Variants in CNGB1 observed in about 807,000 individuals in gnomAD.
CNGB1 encodes the protein cyclic nucleotide-gated channel beta-1.
Under a neutral mutation model 151.7 loss-of-function variants are expected in CNGB1, and 126 were observed. That is an observed-to-expected ratio of 0.83 (90% CI 0.72 to 0.96). CNGB1 has a LOEUF of 0.96. Among genes scored for constraint, CNGB1 ranks in the 40% least tolerant of loss-of-function variants. CNGB1 has a pLI of 0.00. For synonymous variants in CNGB1, 623 were observed against 635.1 expected (o/e 0.98, Z 0.29); for missense variants, 1,698 against 1,627.0 (o/e 1.04, Z -0.75).
chr16:57,900,423 G>T (rs907315019), intron 29 of CNGB1, among the ~76,000 whole-genome samples: 5 of 152,306 alleles, frequency 3.3e-5, no homozygotes, highest in Non-Finnish European at 4.4e-5. Context: ...CCCCCCGTAT[G>T]CTTATTAACG....
Position 57,959,976 on chromosome 16 carries a change from C to T in CNGB1, c.673G>A (p.Glu225Lys). ...LPTPIPLQPK[E>K]EPKEAPAPEP... is the part of the protein sequence containing the mutation. ...GGAGCTGGTGCCTCCTTGGGTTCCT[C>T]CTTGGGCTGCAGGGGGATGGGTGTG... is the stretch of plus-strand genomic sequence containing the variant. Residue 225 changes from glutamate (E) to lysine (K), a missense_variant, in exon 10 of 33, where the codon GAG (glutamate) becomes AAG (lysine). Coordinates refer to ENST00000251102, the MANE Select transcript of CNGB1 (RefSeq NM_001297.5). 3 of 1,592,820 alleles carry T rather than the reference C, an allele frequency of 1.9e-6. No individual in the cohort carries two copies. The highest frequency in any genetic ancestry group is 4.5e-5 in the East Asian group (2 of 44,288).
chr16:57,962,751 G>A, intron 6 of CNGB1, 91 bp downstream of exon 6: 2 of 1,588,308 alleles, frequency 1.3e-6, no homozygotes, highest in Non-Finnish European at 1.7e-6. Context: ...ATCCAGCCTG[G>A]GCAGAGGCTC....
intron 17 of CNGB1, among the ~76,000 whole-genome samples, chr16:57,925,625 A>G (rs1052876145): frequency 6.6e-6 from 1 of 152,134 alleles, no homozygotes; most frequent in Non-Finnish European, 1.5e-5. Flanking sequence ...TGTGAAAGTA[A>G]AATGGTGGAG....
intron 31 of CNGB1, among the ~76,000 whole-genome samples, chr16:57,888,360 T>C (rs1003146692): frequency 1.3e-5 from 2 of 152,190 alleles, no homozygotes; most frequent in Non-Finnish European, 2.9e-5. Flanking sequence ...GTCACACAGC[T>C]ACGAAATTCT....
In CNGB1 at chr16:57,888,067, G is replaced by A. The variant is rs1441088881; in HGVS notation, c.3250C>T (p.Leu1084=). The A allele has an allele frequency of 1.2e-6, 2 of 1,613,780 alleles. No individual in the cohort carries two copies. The highest frequency in any genetic ancestry group is 3.3e-5 in the Admixed American group (2 of 60,022). The change falls in exon 32 of 33, where the codon CTG becomes TTG. Residue 1084 remains leucine, a synonymous_variant. Coordinates refer to ENST00000251102, the MANE Select transcript of CNGB1 (RefSeq NM_001297.5). Reference sequence around the variant, plus strand: ...TCCTTGGGCTTATTGTTGCTTCTCAGCATGCGCCTGGAAGAAAGCAGCATC... The same window carrying A: ...TCCTTGGGCTTATTGTTGCTTCTCAACATGCGCCTGGAAGAAAGCAGCATC... The part of the protein sequence containing the change: ...KLLRKKARRM[L]RSNNKPKEEK...
At chr16:57,910,877 C>T (rs1192924404) in intron 25 of CNGB1, among the ~76,000 whole-genome samples, 4 of 152,134 alleles carry the variant, frequency 2.6e-5, no homozygotes, top group Non-Finnish European at 5.9e-5. Context: ...TCATCAGGAA[C>T]CCCTGAGGCT....
intron 4 of CNGB1, 120 bp downstream of exon 4, chr16:57,964,010 C>T (rs1962325381): frequency 1.1e-6 from 1 of 906,960 alleles, no homozygotes; most frequent in Non-Finnish European, 1.7e-6. Context: ...AGGGCTTTCC[C>T]CAGAATGACA....
chr16:57,950,420 G>A lies in CNGB1; in HGVS notation c.995C>T (p.Ala332Val), dbSNP rs1452435878. Residue 332 changes from alanine to valine, a missense_variant, in exon 13 of 33, where the codon GCT (alanine) becomes GTT (valine). Transcript: ENST00000251102. The part of the protein sequence containing the change: ...TSPQGTEVVP[A>V]YEEENKAVEK... The stretch of plus-strand genomic sequence containing the variant: ...CACAGCTTTGTTCTCTTCTTCATAA[G>A]CTGGAACCACCTCTGTACCCTGTGG... 1 of 1,614,242 alleles carries A rather than the reference G, an allele frequency of 6.2e-7. No individual in the cohort carries two copies. The highest frequency in any genetic ancestry group is 1.1e-5 in the South Asian group (1 of 91,084).
chr16:57,922,799 T>C lies in CNGB1; in HGVS notation c.1643+474A>G, dbSNP rs1446107290. Reference sequence around the variant, plus strand: ...CACATCCCCTGGGGAGTTTGGAAAATGTGAACTCCCCAGGCCTACTGTCTG... The same window carrying C: ...CACATCCCCTGGGGAGTTTGGAAAACGTGAACTCCCCAGGCCTACTGTCTG... On this transcript the variant is annotated intron_variant, in intron 18 of 32. Coordinates refer to ENST00000251102, the MANE Select transcript of CNGB1 (RefSeq NM_001297.5). Among the ~76,000 whole-genome samples the C allele has an allele frequency of 4.0e-5, 6 of 151,880 alleles. No homozygotes were observed. In the East Asian group the frequency reaches 1.2e-3, roughly 29 times the overall value.
chr16:57,886,258 A>G (rs992973255), intron 32 of CNGB1, among the ~76,000 whole-genome samples: 7 of 152,098 alleles, frequency 4.6e-5, no homozygotes, highest in African/African-American at 1.7e-4. Context: ...GTGCCTTTTA[A>G]TGGAACACTC....
At chr16:57,885,729 G>T (rs1959913664) in intron 32 of CNGB1, among the ~76,000 whole-genome samples, 1 of 152,016 alleles carries the variant, frequency 6.6e-6, no homozygotes, top group Non-Finnish European at 1.5e-5. Context: ...GAGTAGCTGG[G>T]ATTACAGGTG....
intron 25 of CNGB1, among the ~76,000 whole-genome samples, chr16:57,910,967 G>A (rs927221405): frequency 2.0e-5 from 3 of 151,940 alleles, no homozygotes; most frequent in South Asian, 2.1e-4. Flanking sequence ...TTTTTGGTTC[G>A]CACGTCATCA....
rs41482547 is a variant in CNGB1, at chr16:57,967,164, C to T, written c.123G>A (p.Pro41=). 1,405 of 1,614,192 alleles carry T rather than the reference C, an allele frequency of 8.7e-4. 21 individuals carry two copies. In the African/African-American group the frequency reaches 0.017, roughly 19 times the overall value. The change falls in exon 2 of 33, where the codon CCG becomes CCA. Residue 41 remains proline, a synonymous_variant. Coordinates refer to ENST00000251102, the MANE Select transcript of CNGB1 (RefSeq NM_001297.5). The part of the protein sequence containing the change: ...PEMEAEVEPE[P]NPEEAETESE... Reference sequence around the variant, plus strand: ...ACTCTGTCTCGGCCTCCTCAGGATTCGGTTCTGGTTCCACCTCCGCCTCCA... The same window carrying T: ...ACTCTGTCTCGGCCTCCTCAGGATTTGGTTCTGGTTCCACCTCCGCCTCCA...
intron 17 of CNGB1, among the ~76,000 whole-genome samples, chr16:57,931,238 C>T (rs1961338132): frequency 6.6e-6 from 1 of 151,864 alleles, no homozygotes; most frequent in African/African-American, 2.4e-5. Context: ...AGTTCACTGC[C>T]ACATCCCAGG....
intron 31 of CNGB1, among the ~76,000 whole-genome samples, chr16:57,896,272 A>G (rs1308142651): frequency 6.6e-6 from 1 of 152,180 alleles, no homozygotes; most frequent in East Asian, 1.9e-4. Flanking sequence ...AATCATCGAT[A>G]TTGGGAGTAA....
At chr16:57,901,721 C>T (rs2149357547) in intron 27 of CNGB1, 96 bp from the exon 28 acceptor site, 1 of 934,446 alleles carries the variant, frequency 1.1e-6, no homozygotes, top group East Asian at 2.6e-5. Context: ...CACCAGGGCA[C>T]ACCATTGCCC....
At chr16:57,922,519 C>G (rs902255512) in intron 18 of CNGB1, among the ~76,000 whole-genome samples, 26 of 151,296 alleles carry the variant, frequency 1.7e-4, no homozygotes, top group African/African-American at 6.3e-4. Flanking sequence ...ACCTCTACCT[C>G]CCAGGTTCAA....
Position 57,939,560 on chromosome 16 carries a change from C to T in CNGB1, c.1242G>A (p.Lys414=), listed in dbSNP as rs1418903991. 1 of 1,614,070 alleles carries T rather than the reference C, an allele frequency of 6.2e-7. No individual in the cohort carries two copies. The highest frequency in any genetic ancestry group is 8.5e-7 in the Non-Finnish European group (1 of 1,180,034). The change falls in exon 16 of 33, where the codon AAG becomes AAA. Residue 414 remains lysine, a synonymous_variant. Transcript: ENST00000251102. ...CCTTGGCCTTCTCTTCAGCCTCCTT[C>T]TTGGCCTCCTCCCCAACTTCCTCCC... is the stretch of plus-strand genomic sequence containing the variant. ...KLWEEVGEEA[K]KEAEEKAKEE...
At chr16:57,892,443 G>C (rs1960118055) in intron 31 of CNGB1, among the ~76,000 whole-genome samples, 1 of 152,178 alleles carries the variant, frequency 6.6e-6, no homozygotes, top group African/African-American at 2.4e-5. Context: ...GAAGGGTCCA[G>C]TGGGTCCCTT....
Sources: allele counts gnomAD v4.1 joint callset (sites outside exome capture counted in the v4.1 genomes callset), GRCh38; gene constraint gnomAD v4.1.1; transcripts MANE v1.5; gene names NCBI Gene and HGNC (gene_info 2026-07-23, HGNC 2026-07-21).